The following MAF variants were observed in gnomAD, a reference collection of about 807,000 sequenced individuals.
The protein encoded by MAF is MAF bZIP transcription factor.
In MAF, 10 loss-of-function variants were observed where a neutral mutation model predicts 22.0. The observed-to-expected ratio is 0.45, with a 90% confidence interval of 0.28 to 0.77. MAF has a LOEUF of 0.77. MAF is among the 30% of genes least tolerant of loss of function. The probability of loss-of-function intolerance (pLI) is 0.12; values close to 1 mark genes in which losing one functional copy is unlikely to be tolerated. For synonymous variants in MAF, 337 were observed against 255.8 expected (o/e 1.32, Z -3.03); for missense variants, 544 against 548.4 (o/e 0.99, Z 0.08).
At chr16:79,425,115 G>T in the MAF span, among the ~76,000 whole-genome samples, 1 of 151,862 alleles carries the variant, frequency 6.6e-6, no homozygotes, top group Admixed American at 6.6e-5. Flanking sequence ...ACTTTTCATC[G>T]TATTAATTAT....
chr16:79,242,001 T>C, the MAF span, among the ~76,000 whole-genome samples: 1 of 152,010 alleles, frequency 6.6e-6, no homozygotes, highest in Non-Finnish European at 1.5e-5. Flanking sequence ...CTGAGAGATT[T>C]TGTCACCACC....
At chr16:79,249,187 A>T in the MAF span, among the ~76,000 whole-genome samples, 1 of 152,180 alleles carries the variant, frequency 6.6e-6, no homozygotes, top group Non-Finnish European at 1.5e-5. Context: ...TGGAAAGCTG[A>T]GGCAGGCAGA....
the MAF span, among the ~76,000 whole-genome samples, chr16:79,320,112 G>T: frequency 6.6e-6 from 1 of 152,166 alleles, no homozygotes; most frequent in Non-Finnish European, 1.5e-5. Flanking sequence ...GTACAAAGTG[G>T]AGTATCAGGG....
At chr16:79,242,504 C>G in the MAF span, among the ~76,000 whole-genome samples, 1 of 151,858 alleles carries the variant, frequency 6.6e-6, no homozygotes, top group Admixed American at 6.6e-5. Flanking sequence ...GAAGAGATAA[C>G]TATCCTAAAT....
the MAF span, among the ~76,000 whole-genome samples, chr16:79,365,970 C>T: frequency 7.2e-5 from 11 of 152,336 alleles, no homozygotes; most frequent in Non-Finnish European, 1.3e-4. Context: ...GATCTACTTG[C>T]CAAGTCAACA....
the MAF span, among the ~76,000 whole-genome samples, chr16:79,289,647 T>C: frequency 2.0e-5 from 3 of 152,164 alleles, no homozygotes; most frequent in East Asian, 5.8e-4. Context: ...CATGACAGCT[T>C]TGCAAAGCAG....
intron 1 of MAF, chr16:79,596,083 A>G (rs1002781918): frequency 1.4e-5 from 15 of 1,062,146 alleles, no homozygotes; most frequent in Non-Finnish European, 1.6e-5. Context: ...TTCAATGCAT[A>G]TGTGCGCAAG....
chr16:79,390,118 T>C, the MAF span, among the ~76,000 whole-genome samples: 1 of 151,888 alleles, frequency 6.6e-6, no homozygotes, highest in Admixed American at 6.6e-5. Flanking sequence ...GGTGATGGCA[T>C]GTGCAAGTGT....
the MAF span, among the ~76,000 whole-genome samples, chr16:79,336,218 C>G: frequency 6.6e-6 from 1 of 152,244 alleles, no homozygotes; most frequent in South Asian, 2.1e-4. Flanking sequence ...ACTTGCTCCA[C>G]TACTTGTCAC....
At chr16:79,481,915 G>A in the MAF span, among the ~76,000 whole-genome samples, 1 of 152,142 alleles carries the variant, frequency 6.6e-6, no homozygotes, top group African/African-American at 2.4e-5. Flanking sequence ...ATCGAAGCAG[G>A]TGCGACCTGC....
the MAF span, among the ~76,000 whole-genome samples, chr16:79,334,450 C>A: frequency 2.0e-5 from 3 of 152,106 alleles, no homozygotes; most frequent in Non-Finnish European, 4.4e-5. Flanking sequence ...GAGATTGTGC[C>A]CGAGGGACCT....
chr16:79,594,421 AATG>A lies in MAF; in HGVS notation c.*36_*38del, dbSNP rs573865813. 2.1e-4 allele frequency: 316 copies of A among 1,509,784 alleles called. 1 individual carries two copies. Among genetic ancestry groups the A allele is most frequent in the Non-Finnish European group, 2.2e-4 (245 of 1,109,526 alleles). 93.5% of individuals were successfully genotyped at this position (1,509,784 alleles called of 1,614,324 possible). On this transcript the variant is annotated 3_prime_UTR_variant, in exon 2 of 2. Transcript: ENST00000326043. ...CTCCATGACTGCAAATAATAATAAT[AATG>A]ATGATTTTTTTTAATGTACAGCTCT...
chr16:79,336,631 G>A, the MAF span, among the ~76,000 whole-genome samples: 1 of 152,002 alleles, frequency 6.6e-6, no homozygotes, highest in East Asian at 1.9e-4. Context: ...TGGTTAAGAA[G>A]GGACAACACA....
At chr16:79,219,868 A>T in the MAF span, among the ~76,000 whole-genome samples, 15 of 152,288 alleles carry the variant, frequency 9.8e-5, no homozygotes, top group Middle Eastern at 6.8e-3. Flanking sequence ...CTTTATGTTT[A>T]TATCCTTTCA....
chr16:79,535,480 C>A, the MAF span, among the ~76,000 whole-genome samples: 1 of 150,826 alleles, frequency 6.6e-6, no homozygotes. Flanking sequence ...ATCTTTGGAT[C>A]CAGGAAGGAA....
chr16:79,240,495 A>G, the MAF span, among the ~76,000 whole-genome samples: 2 of 73,514 alleles, frequency 2.7e-5, no homozygotes, highest in Non-Finnish European at 4.5e-5. Context: ...TGGAAAAAAA[A>G]AAAAAAAAAA....
the MAF span, among the ~76,000 whole-genome samples, chr16:79,391,889 GGAGGAGGAGC>G: frequency 3.9e-5 from 3 of 76,300 alleles, no homozygotes; most frequent in Non-Finnish European, 8.7e-5. Context: ...AGGAGGAGGA[GGAGGAGGAGC>G]AGGAGGAGGA....
At chr16:79,517,568 CTTTTTTTT>C in the MAF span, among the ~76,000 whole-genome samples, 57 of 99,760 alleles carry the variant, frequency 5.7e-4, no homozygotes, top group Middle Eastern at 0.024. Context: ...ACTGTTTAGT[CTTTTTTTT>C]TTTTTTTTTT....
the MAF span, among the ~76,000 whole-genome samples, chr16:79,552,273 C>T: frequency 4.0e-5 from 6 of 151,796 alleles, no homozygotes; most frequent in East Asian, 1.2e-3. Flanking sequence ...GAGTGCAGTT[C>T]AGCAACCATG....
Sources: gnomAD v4.1 joint callset for allele counts (sites outside exome capture counted in the v4.1 genomes callset) on GRCh38, gnomAD v4.1.1 for gene constraint, MANE v1.5 for transcripts, NCBI Gene and HGNC (gene_info 2026-07-23, HGNC 2026-07-21) for gene names.